Variants in THSD7A observed in about 807,000 individuals in gnomAD.
THSD7A encodes the protein thrombospondin type-1 domain-containing protein 7A.
Under a neutral mutation model 231.3 loss-of-function variants are expected in THSD7A, and 96 were observed. The ratio of observed to expected loss-of-function variants is 0.41; its 90% CI spans 0.35 to 0.49. The LOEUF (loss-of-function observed/expected upper bound fraction) is 0.49, where lower values mean the gene tolerates loss of function less well. THSD7A is among the 20% of genes least tolerant of loss of function. THSD7A has a pLI of 0.05. For missense variants in THSD7A, 2,290 were observed against 2,070.2 expected, an observed-to-expected ratio of 1.11 and a Z score of -2.06; for synonymous variants, 940 against 743.3, an observed-to-expected ratio of 1.26 and a Z score of -4.30.
Position 11,593,264 on chromosome 7 carries a change from G to T in THSD7A, c.1261C>A (p.Pro421Thr), listed in dbSNP as rs556698708. 4.3e-6 allele frequency: 7 copies of T among 1,613,700 alleles called. No homozygotes were observed. The South Asian group carries it at 5.5e-5, about 13-fold the overall frequency. The part of the protein sequence containing the change: ...PCLSQGDGVV[P>T]CATYGWRTTE... Reference sequence around the variant, plus strand: ...TCTTTATTTACTCACGTGGCACAGGGGACAACTCCATCTCCTTGAGACAAA... The same window carrying T: ...TCTTTATTTACTCACGTGGCACAGGTGACAACTCCATCTCCTTGAGACAAA... Residue 421 changes from proline (P) to threonine (T), a missense_variant, in exon 3 of 28, where the codon CCC (proline) becomes ACC (threonine). Coordinates refer to ENST00000423059, the MANE Select transcript of THSD7A (RefSeq NM_015204.3).
At chr7:11,530,464 G>A (rs944008977) in intron 6 of THSD7A, among the ~76,000 whole-genome samples, 3 of 152,152 alleles carry the variant, frequency 2.0e-5, no homozygotes, top group Admixed American at 1.3e-4. Flanking sequence ...TCTGTTAAGT[G>A]GAACACAGTG....
At chr7:11,657,167 G>A (rs1297852852) in intron 1 of THSD7A, among the ~76,000 whole-genome samples, 2 of 151,800 alleles carry the variant, frequency 1.3e-5, no homozygotes, top group African/African-American at 4.8e-5. Context: ...AGCAGTGTGA[G>A]CTTTGTGATT....
At chr7:11,426,339 T>C (rs902777672) in intron 15 of THSD7A, among the ~76,000 whole-genome samples, 2 of 152,138 alleles carry the variant, frequency 1.3e-5, no homozygotes, top group Non-Finnish European at 1.5e-5. Flanking sequence ...ACTTGCACTT[T>C]TTCCTTCTCC....
rs1201756654 is a variant in THSD7A at position 11,469,918 on chromosome 7, A to G, written c.2329T>C (p.Tyr777His). 1.2e-6 allele frequency: 2 copies of G among 1,603,074 alleles called. No individual in the cohort carries two copies. Among genetic ancestry groups the G allele is most frequent in the Non-Finnish European group, 1.7e-6 (2 of 1,174,258 alleles). Residue 777 changes from tyrosine (Y) to histidine (H), a missense_variant, in exon 9 of 28, where the codon TAT becomes CAT. Physicochemically the swap from Tyr to His is moderately conservative, Grantham distance 83. Transcript: ENST00000423059. ...GAGGGGCATGATGTCCAGTCACTAT[A>G]TGGGGTCACAATACAGTCCTTCTTA... ...PCKKDCIVTP[Y>H]SDWTSCPSSC... is the part of the protein sequence containing the mutation.
chr7:11,677,760 C>T (rs890920212), intron 1 of THSD7A, among the ~76,000 whole-genome samples: 1 of 151,926 alleles, frequency 6.6e-6, no homozygotes, highest in Non-Finnish European at 1.5e-5. Flanking sequence ...ACTTTAACAC[C>T]ACACTGTCAG....
At chr7:11,779,769 T>C (rs1783563405) in intron 1 of THSD7A, among the ~76,000 whole-genome samples, 1 of 152,230 alleles carries the variant, frequency 6.6e-6, no homozygotes, top group Non-Finnish European at 1.5e-5. Flanking sequence ...AAGTCATCAG[T>C]CATTGGGTTG....
At chr7:11,548,705 T>C (rs1283398498) in intron 4 of THSD7A, among the ~76,000 whole-genome samples, 1 of 152,074 alleles carries the variant, frequency 6.6e-6, no homozygotes, top group Non-Finnish European at 1.5e-5. Flanking sequence ...GTTGGTTCAA[T>C]ATACACAAAT....
At chr7:11,825,896 T>G (rs7788522) in intron 1 of THSD7A, among the ~76,000 whole-genome samples, 29 of 152,204 alleles carry the variant, frequency 1.9e-4, no homozygotes, top group Admixed American at 1.2e-3. Flanking sequence ...GTAAGAACAA[T>G]TGAAGTTTAA....
intron 1 of THSD7A, among the ~76,000 whole-genome samples, chr7:11,681,484 T>TA (rs1384084052): frequency 6.6e-6 from 1 of 151,946 alleles, no homozygotes; most frequent in African/African-American, 2.4e-5. Flanking sequence ...AATAATAAAT[T>TA]AAGCCAAGTA....
intron 6 of THSD7A, among the ~76,000 whole-genome samples, chr7:11,501,779 A>T (rs953471516): frequency 6.6e-6 from 1 of 152,220 alleles, no homozygotes; most frequent in African/African-American, 2.4e-5. Flanking sequence ...AATAACAAAA[A>T]ATCAGAGCTG....
chr7:11,648,769 T>C (rs925466622), intron 1 of THSD7A, among the ~76,000 whole-genome samples: 1 of 151,868 alleles, frequency 6.6e-6, no homozygotes, highest in African/African-American at 2.4e-5. Flanking sequence ...ACTTTTCTAT[T>C]AGGGGTAGCC....
chr7:11,504,436 A>G (rs1187773835), intron 6 of THSD7A, among the ~76,000 whole-genome samples: 2 of 152,160 alleles, frequency 1.3e-5, no homozygotes, highest in Admixed American at 1.3e-4. Context: ...AGTCTGTGAC[A>G]TGTTTGTCTA....
chr7:11,441,369 T>C (rs1207268322), intron 13 of THSD7A, among the ~76,000 whole-genome samples: 1 of 152,086 alleles, frequency 6.6e-6, no homozygotes, highest in African/African-American at 2.4e-5. Context: ...CATTCTATCC[T>C]TTCCATTTAA....
At chr7:11,792,760 T>C (rs1158596535) in intron 1 of THSD7A, among the ~76,000 whole-genome samples, 2 of 152,026 alleles carry the variant, frequency 1.3e-5, no homozygotes, top group Non-Finnish European at 1.5e-5. Context: ...GGCCATTAAA[T>C]ATTTTCTGTA....
intron 6 of THSD7A, among the ~76,000 whole-genome samples, chr7:11,503,078 T>G (rs1335647099): frequency 6.6e-6 from 1 of 152,160 alleles, no homozygotes; most frequent in Non-Finnish European, 1.5e-5. Context: ...AAGGCTTCAG[T>G]GACCAAAACA....
chr7:11,805,167 T>C (rs1372647404), intron 1 of THSD7A, among the ~76,000 whole-genome samples: 2 of 152,138 alleles, frequency 1.3e-5, no homozygotes, highest in Non-Finnish European at 2.9e-5. Flanking sequence ...TCCTCTTGTT[T>C]ACTACTGAAG....
intron 13 of THSD7A, among the ~76,000 whole-genome samples, chr7:11,430,245 A>G (rs563119298): frequency 6.6e-6 from 1 of 152,196 alleles, no homozygotes; most frequent in African/African-American, 2.4e-5. Flanking sequence ...AAATAACCCC[A>G]TGTTTTGGTT....
At chr7:11,770,955 A>G (rs1583276566) in intron 1 of THSD7A, among the ~76,000 whole-genome samples, 1 of 151,782 alleles carries the variant, frequency 6.6e-6, no homozygotes, top group East Asian at 1.9e-4. Context: ...TGCCTAATAA[A>G]TATATAAAAT....
At chr7:11,489,834 T>C (rs975855727) in intron 6 of THSD7A, among the ~76,000 whole-genome samples, 2 of 152,102 alleles carry the variant, frequency 1.3e-5, no homozygotes, top group African/African-American at 4.8e-5. Context: ...GGTACAACTT[T>C]AACAAACCCT....
Sources: gnomAD v4.1 joint callset for allele counts (sites outside exome capture counted in the v4.1 genomes callset) on GRCh38, gnomAD v4.1.1 for gene constraint, MANE v1.5 for transcripts, NCBI Gene and HGNC (gene_info 2026-07-23, HGNC 2026-07-21) for gene names.